The following MMEL1 variants were observed in gnomAD, a reference collection of about 807,000 sequenced individuals.
MMEL1 encodes the protein membrane metallo-endopeptidase-like 1.
Under a neutral mutation model 117.1 loss-of-function variants are expected in MMEL1, and 98 were observed. The observed-to-expected ratio is 0.84, with a 90% CI of 0.71 to 0.99. The LOEUF (loss-of-function observed/expected upper bound fraction) is 0.99. MMEL1 is among the 50% of genes least tolerant of loss of function. MMEL1 has a pLI of 0.00. For missense variants in MMEL1, 1,014 were observed against 1,049.1 expected (o/e 0.97, Z 0.46); for synonymous variants, 390 against 415.1 (o/e 0.94, Z 0.74).
chr1:2,609,201 G>A (rs1229575084), intron 6 of MMEL1, 138 bp downstream of exon 6: 1 of 798,790 alleles, frequency 1.3e-6, no homozygotes, highest in East Asian at 2.7e-5. Context: ...ACAGCACATA[G>A]ACCCTCTGGC....
At chr1:2,626,601 T>C (rs1459298269) in intron 2 of MMEL1, among the ~76,000 whole-genome samples, 1 of 152,280 alleles carries the variant, frequency 6.6e-6, no homozygotes, top group Non-Finnish European at 1.5e-5. Context: ...GGGCCATAGT[T>C]TGCCAACCCC....
intron 21 of MMEL1, 56 bp from the exon 22 acceptor site, chr1:2,592,083 C>G: frequency 7.0e-7 from 1 of 1,438,814 alleles, no homozygotes; most frequent in South Asian, 1.2e-5. Flanking sequence ...CTCCAGAACC[C>G]TCAGATCTCA....
At chr1:2,604,072 C>A in intron 10 of MMEL1, 75 bp downstream of exon 10, 1 of 1,572,892 alleles carries the variant, frequency 6.4e-7, no homozygotes, top group South Asian at 1.2e-5. Flanking sequence ...AGCACCCCCT[C>A]ACCTTGGCCA....
In MMEL1 at chr1:2,606,234, G is replaced by A. The variant is rs914334199; in HGVS notation, c.750+14C>T. Reference sequence around the variant, plus strand: ...GGGACCCTGCCTACCCCTGCCCACCGGCGCGGCTCGTACGTAGATGATGTG... The same window carrying A: ...GGGACCCTGCCTACCCCTGCCCACCAGCGCGGCTCGTACGTAGATGATGTG... On this transcript the variant is annotated intron_variant, in intron 8 of 23. Transcript: ENST00000378412. 8.1e-6 allele frequency: 13 copies of A among 1,607,436 alleles called. No homozygotes were observed. Among genetic ancestry groups the A allele is most frequent in the East Asian group, 2.2e-5 (1 of 44,830 alleles).
chr1:2,611,324 T>C lies in MMEL1; in HGVS notation c.249A>G (p.Gln83=). ...GGGTGGTGCAGACCTCGCTCACCTC[T>C]TGGGCCTCTGGGATCCCTGCGGGCA... ...KRKPRGIPEA[Q]EVSEVCTTPG... Residue 83 remains glutamine (Q), a synonymous_variant, in exon 4 of 24, where the codon CAA becomes CAG. Transcript: ENST00000378412. The C allele has an allele frequency of 1.3e-6, 2 of 1,553,074 alleles. No homozygotes were observed. Among genetic ancestry groups the C allele is most frequent in the South Asian group, 1.2e-5 (1 of 82,810 alleles).
At chr1:2,626,139 CG>C (rs2100966138) in intron 2 of MMEL1, among the ~76,000 whole-genome samples, 1 of 152,282 alleles carries the variant, frequency 6.6e-6, no homozygotes, top group African/African-American at 2.4e-5. Flanking sequence ...GCCAGATGTG[CG>C]ATGCGATTAT....
At position 2,595,412 on chromosome 1, in the gene MMEL1, G is replaced by T; in HGVS notation, c.1501-53C>A. The stretch of plus-strand genomic sequence containing the variant: ...GGGTGCCCCACTGCGGATGGAGTCA[G>T]CCCGGGGGCCGGTCAGTGAGTGCCA... On this transcript the variant is annotated intron_variant, in intron 15 of 23. Coordinates refer to ENST00000378412, the MANE Select transcript of MMEL1 (RefSeq NM_033467.4). The surrounding 1 kb of genome is among the most constrained non-coding windows in gnomAD (Gnocchi z 4.8). 6.5e-7 allele frequency: 1 copy of T among 1,532,650 alleles called. No individual in the cohort carries two copies. Among genetic ancestry groups the T allele is most frequent in the Non-Finnish European group, 9.0e-7 (1 of 1,107,488 alleles). The allele number at this position is 1,532,650 out of a possible 1,614,324, so 94.9% of individuals were successfully genotyped here.
In MMEL1 at chr1:2,604,700, C is replaced by T. The variant is rs529943908; in HGVS notation, c.817-419G>A. ...TGGGCTTCCCTACCCAGGTGCTTCCCGGCCTGAGTGTCTGGAGTGGGATCC... is the reference window on the plus strand; with the variant it reads ...TGGGCTTCCCTACCCAGGTGCTTCCTGGCCTGAGTGTCTGGAGTGGGATCC... On this transcript the variant is annotated intron_variant, in intron 9 of 23. Coordinates refer to ENST00000378412, the MANE Select transcript of MMEL1 (RefSeq NM_033467.4). Among the ~76,000 whole-genome samples, 31 of 152,222 alleles carry T rather than the reference C, an allele frequency of 2.0e-4. 1 individual carries two copies. In the East Asian group the frequency reaches 2.3e-3, roughly 11 times the overall value.
At chr1:2,605,651 G>T in intron 8 of MMEL1, 28 bp from the exon 9 acceptor site, 1 of 1,600,664 alleles carries the variant, frequency 6.2e-7, no homozygotes, top group South Asian at 1.1e-5. Context: ...GTGACCCTGG[G>T]CAAGGGGCCC....
chr1:2,604,122 T>TTGCC, intron 10 of MMEL1, 25 bp downstream of exon 10: 55 of 1,357,394 alleles, frequency 4.1e-5, no homozygotes, highest in African/African-American at 7.2e-5. Context: ...CGCTGCCCGC[T>TTGCC]CCCCACCCGC....
chr1:2,624,964 C>T (rs1645346881), intron 2 of MMEL1, among the ~76,000 whole-genome samples: 1 of 152,172 alleles, frequency 6.6e-6, no homozygotes, highest in Non-Finnish European at 1.5e-5. Flanking sequence ...GAGCTGCACA[C>T]TTTCAAACAA....
chr1:2,629,235 C>G, intron 2 of MMEL1, 96 bp downstream of exon 2: 4 of 1,345,714 alleles, frequency 3.0e-6, no homozygotes, highest in Non-Finnish European at 3.9e-6. Context: ...GACGGGCGGG[C>G]TCGGGCTGGG....
intron 10 of MMEL1, 25 bp downstream of exon 10, chr1:2,604,122 T>TGGCCCCC: frequency 7.4e-7 from 1 of 1,357,432 alleles, no homozygotes; most frequent in Non-Finnish European, 1.0e-6. Flanking sequence ...CGCTGCCCGC[T>TGGCCCCC]CCCCACCCGC....
chr1:2,598,753 G>GATAGC lies in MMEL1; in HGVS notation c.1074_1078dup (p.Ser360CysfsTer54). 6.2e-7 allele frequency: 1 copy of GATAGC among 1,614,076 alleles called. No individual in the cohort carries two copies. The highest frequency in any genetic ancestry group is 8.5e-7 in the Non-Finnish European group (1 of 1,179,998). ...TGGCAGCAGCTTGATTTTGACAGAG[G>GATAGC]ATAGCACAGTTTGTATGAACAGAGT... On this transcript the variant is annotated frameshift_variant, in exon 12 of 24. Transcript: ENST00000378412. LOFTEE classifies it high-confidence loss of function.
At chr1:2,607,585 G>A (rs917187208) in intron 6 of MMEL1, among the ~76,000 whole-genome samples, 4 of 152,118 alleles carry the variant, frequency 2.6e-5, no homozygotes, top group African/African-American at 9.7e-5. Flanking sequence ...CGAAGATTAG[G>A]TAAAGGTGGG....
intron 21 of MMEL1, 79 bp from the exon 22 acceptor site, chr1:2,592,106 G>T: frequency 7.9e-7 from 1 of 1,264,010 alleles, no homozygotes; most frequent in Non-Finnish European, 1.1e-6. Flanking sequence ...GCAGAGCAGA[G>T]GTCTGGCTCC....
chr1:2,605,459 G>A, intron 9 of MMEL1, 99 bp downstream of exon 9: 1 of 1,059,744 alleles, frequency 9.4e-7, no homozygotes, highest in South Asian at 1.4e-5. Context: ...ACTAACACCA[G>A]CTTCGGGGAG....
In MMEL1 at chr1:2,606,375, A is replaced by T; in HGVS notation, c.632-9T>A. 6.2e-7 allele frequency: 1 copy of T among 1,607,674 alleles called. No individual in the cohort carries two copies. ...CAGCTCCCACTCGAGTCCTGGGGAG[A>T]CAGTGCCCCGCACTGGAGACTGGCG... On this transcript the variant is annotated splice_polypyrimidine_tract_variant and intron_variant, in intron 7 of 23. Coordinates refer to ENST00000378412, the MANE Select transcript of MMEL1 (RefSeq NM_033467.4).
In MMEL1 at chr1:2,629,515, G is replaced by A. The variant is rs1156793631; in HGVS notation, c.-31C>T. 3.5e-6 allele frequency: 5 copies of A among 1,442,316 alleles called. 1 individual carries two copies. The African/African-American group carries it at 5.9e-5, about 17-fold the overall frequency. 89.3% of individuals were successfully genotyped at this position (1,442,316 alleles called of 1,614,324 possible). On this transcript the variant is annotated 5_prime_UTR_variant, in exon 2 of 24. Coordinates refer to ENST00000378412, the MANE Select transcript of MMEL1 (RefSeq NM_033467.4). Reference sequence around the variant, plus strand: ...GGGCTCTGGACGGGAGAGCACCGCGGAGGAACCTGCAGGCCCAGGGCAGGG... The same window carrying A: ...GGGCTCTGGACGGGAGAGCACCGCGAAGGAACCTGCAGGCCCAGGGCAGGG...
Sources: gnomAD v4.1 joint callset for allele counts (sites outside exome capture counted in the v4.1 genomes callset) on GRCh38, gnomAD v4.1.1 for gene constraint, Gnocchi (gnomAD v3.1) non-coding constraint, MANE v1.5 for transcripts, NCBI Gene and HGNC (gene_info 2026-07-23, HGNC 2026-07-21) for gene names.